Variants in KPNA4 observed in about 807,000 individuals in gnomAD.
KPNA4 encodes the protein karyopherin subunit alpha 4, also known as importin subunit alpha-3.
A neutral mutation model predicts 71.3 loss-of-function variants in KPNA4; 13 were observed. That is an observed-to-expected ratio of 0.18 (90% CI 0.12 to 0.29). The LOEUF (loss-of-function observed/expected upper bound fraction) is 0.29. Among genes scored for constraint, KPNA4 ranks in the 10% least tolerant of loss-of-function variants. The pLI is 1.00. For synonymous variants in KPNA4, 189 were observed against 195.2 expected (o/e 0.97, Z 0.26); for missense variants, 334 against 603.2 (o/e 0.55, Z 4.67).
In KPNA4 at chr3:160,565,513, G is replaced by A. The variant is rs893826917; in HGVS notation, c.-231C>T. The A allele has an allele frequency of 5.6e-6, 3 of 538,632 alleles. No individual in the cohort carries two copies. Among genetic ancestry groups the A allele is most frequent in the Non-Finnish European group, 6.5e-6 (2 of 306,888 alleles). The allele number at this position is 538,632 out of a possible 1,614,324, so 33.4% of individuals were successfully genotyped here. ...CTCCGGCAAAGACAACTGTGGGGCCGGGCGGCGGCAAGGCGACGGAATGTG... is the reference window on the plus strand; with the variant it reads ...CTCCGGCAAAGACAACTGTGGGGCCAGGCGGCGGCAAGGCGACGGAATGTG... On this transcript the variant is annotated 5_prime_UTR_variant, in exon 1 of 17. Coordinates refer to ENST00000334256, the MANE Select transcript of KPNA4 (RefSeq NM_002268.5).
intron 11 of KPNA4, 151 bp from the exon 12 acceptor site, chr3:160,515,731 C>T: frequency 1.3e-6 from 1 of 792,772 alleles, no homozygotes; most frequent in East Asian, 2.9e-5. Context: ...CCTCCCACCC[C>T]AGCCTCCAGA....
chr3:160,551,758 T>C (rs1722043694), intron 1 of KPNA4, among the ~76,000 whole-genome samples: 1 of 149,718 alleles, frequency 6.7e-6, no homozygotes, highest in Non-Finnish European at 1.5e-5. Flanking sequence ...TTAAGAACTT[T>C]TCAGTGCCTC....
In KPNA4 at chr3:160,521,870, T is replaced by A; in HGVS notation, c.812A>T (p.Asp271Val). The change falls in exon 11 of 17, where the codon GAT (aspartate) becomes GTT (valine). Residue 271 changes from aspartate (D) to valine (V), a missense_variant. Physicochemically the swap from Asp to Val is radical, Grantham distance 152. Transcript: ENST00000334256. ...DTVWALSYLT[D>V]AGNEQIQMVI... is the part of the protein sequence containing the mutation. Reference sequence around the variant, plus strand: ...CATCTGTATTTGTTCATTGCCAGCATCAGTAAGGTAAGAGAGGGCCCAGAC... The same window carrying A: ...CATCTGTATTTGTTCATTGCCAGCAACAGTAAGGTAAGAGAGGGCCCAGAC... The A allele has an allele frequency of 6.2e-7, 1 of 1,613,274 alleles. No homozygotes were observed. The highest frequency in any genetic ancestry group is 8.5e-7 in the Non-Finnish European group (1 of 1,179,634).
At position 160,521,798 on chromosome 3, in the gene KPNA4, T is replaced by C. The variant is rs1264214427; in HGVS notation, c.884A>G (p.His295Arg). ...ACTTACCTGAACTTTAACTTCCTGGTGGCTGAGCAGAGGAACCAAATGAGG... is the reference window on the plus strand; with the variant it reads ...ACTTACCTGAACTTTAACTTCCTGGCGGCTGAGCAGAGGAACCAAATGAGG... ...IVPHLVPLLSHQEVKVQTAAL... is the reference protein window; with the variant it reads ...IVPHLVPLLSRQEVKVQTAAL... Residue 295 changes from histidine (H) to arginine (R), a missense_variant, in exon 11 of 17, where the codon CAC (histidine) becomes CGC (arginine). Physicochemically the swap from His to Arg is conservative, Grantham distance 29 (BLOSUM62 0). Transcript: ENST00000334256. The C allele has an allele frequency of 6.2e-7, 1 of 1,611,766 alleles. No homozygotes were observed. Among genetic ancestry groups the C allele is most frequent in the Non-Finnish European group, 8.5e-7 (1 of 1,179,868 alleles).
chr3:160,539,931 T>C (rs1304260675), intron 1 of KPNA4, among the ~76,000 whole-genome samples: 1 of 152,010 alleles, frequency 6.6e-6, no homozygotes, highest in Non-Finnish European at 1.5e-5. Flanking sequence ...TCCAAAAAAT[T>C]TTCTCCCATT....
rs202065920 is a variant in KPNA4 at position 160,505,021 on chromosome 3, A to G, written c.1404T>C (p.His468=). The stretch of plus-strand genomic sequence containing the variant: ...CCAATTTGTAGATGTCTTCATTTTC[A>G]TGATTTTGAAGTTGTTCAATTTTCT... ...GLEKIEQLQN[H]ENEDIYKLAY... is the part of the protein sequence containing the mutation. Residue 468 remains histidine (H), a synonymous_variant, in exon 16 of 17, where the codon CAT becomes CAC. Transcript: ENST00000334256. 3.2e-6 allele frequency: 5 copies of G among 1,568,456 alleles called. No homozygotes were observed. Among genetic ancestry groups the G allele is most frequent in the Non-Finnish European group, 1.7e-6 (2 of 1,157,244 alleles).
At chr3:160,558,244 G>C (rs562558484) in intron 1 of KPNA4, among the ~76,000 whole-genome samples, 129 of 152,312 alleles carry the variant, frequency 8.5e-4, no homozygotes, top group Admixed American at 3.9e-3. Flanking sequence ...AGGTTTTCAG[G>C]TGACTGTTAA....
At chr3:160,519,590 C>T (rs1721300999) in intron 11 of KPNA4, among the ~76,000 whole-genome samples, 2 of 150,020 alleles carry the variant, frequency 1.3e-5, no homozygotes, top group African/African-American at 2.5e-5. Flanking sequence ...GTCAGGAGAT[C>T]GAGACCATCC....
Position 160,525,828 on chromosome 3 carries a change from C to G in KPNA4, c.743G>C (p.Cys248Ser). The G allele has an allele frequency of 6.4e-7, 1 of 1,569,454 alleles. No homozygotes were observed. The change falls in exon 10 of 17, where the codon TGT (cysteine) becomes TCT (serine). Residue 248 changes from cysteine to serine, a missense_variant. Transcript: ENST00000334256. ...ETIQEILPAL[C>S]VLIHHTDVNI... ...TACATCTGTGTGATGAATTAAAACACAAAGGGCTGGAAGAATCTGAGGAGA... is the reference window on the plus strand; with the variant it reads ...TACATCTGTGTGATGAATTAAAACAGAAAGGGCTGGAAGAATCTGAGGAGA...
intron 1 of KPNA4, among the ~76,000 whole-genome samples, chr3:160,537,340 T>C (rs1721710641): frequency 1.3e-5 from 2 of 152,204 alleles, no homozygotes; most frequent in African/African-American, 2.4e-5. Context: ...TCCTGTTTTT[T>C]ACCTTGTTTT....
intron 1 of KPNA4, among the ~76,000 whole-genome samples, chr3:160,549,669 G>C (rs1721998008): frequency 1.3e-5 from 2 of 152,174 alleles, no homozygotes; most frequent in South Asian, 4.1e-4. Context: ...GACTACAGTA[G>C]CTTTGTAATA....
At chr3:160,562,401 A>G (rs1722260313) in intron 1 of KPNA4, among the ~76,000 whole-genome samples, 1 of 152,238 alleles carries the variant, frequency 6.6e-6, no homozygotes, top group Non-Finnish European at 1.5e-5. Flanking sequence ...ATCCAAATCA[A>G]AAAGCAATTA....
Position 160,565,223 on chromosome 3 carries a change from G to C in KPNA4, c.60C>G (p.Arg20=). 6.2e-7 allele frequency: 1 copy of C among 1,608,808 alleles called. No individual in the cohort carries two copies. Among genetic ancestry groups the C allele is most frequent in the African/African-American group, 1.3e-5 (1 of 74,704 alleles). Residue 20 remains arginine, a synonymous_variant, in exon 1 of 17, where the codon CGC becomes CGG. Transcript: ENST00000334256. The part of the protein sequence containing the change: ...QRLKNFKNKG[R]DLETMRRQRN... ...TCGTCCCCGAGTTTACCTCCAAGTC[G>C]CGGCCTTTGTTCTTGAAATTCTTGA...
chr3:160,557,427 A>G (rs917859873), intron 1 of KPNA4, among the ~76,000 whole-genome samples: 2 of 152,220 alleles, frequency 1.3e-5, no homozygotes, highest in Non-Finnish European at 2.9e-5. Context: ...ACTGAGATAG[A>G]CTATGATTTA....
chr3:160,526,025 A>G lies in KPNA4; in HGVS notation c.639T>C (p.Pro213=). 1 of 1,603,072 alleles carries G rather than the reference A, an allele frequency of 6.2e-7. No homozygotes were observed. The highest frequency in any genetic ancestry group is 8.5e-7 in the Non-Finnish European group (1 of 1,175,580). Residue 213 remains proline, a synonymous_variant, in exon 9 of 17, where the codon CCT becomes CCC. Transcript: ENST00000334256. ...PLLSFISPSI[P]ITFLRNVTWV... is the part of the protein sequence containing the mutation. ...AAGTAACATTTCTTAAGAATGTTAT[A>G]GGAATAGATGGACTTATGAAGGAAA... is the stretch of plus-strand genomic sequence containing the variant.
chr3:160,555,953 T>C (rs1722127580), intron 1 of KPNA4, among the ~76,000 whole-genome samples: 1 of 152,214 alleles, frequency 6.6e-6, no homozygotes, highest in South Asian at 2.1e-4. Context: ...TGCCTCAGCC[T>C]CCCAGGTAGC....
chr3:160,528,800 G>GGT (rs551525998), intron 7 of KPNA4, among the ~76,000 whole-genome samples: 1 of 152,178 alleles, frequency 6.6e-6, no homozygotes, highest in Non-Finnish European at 1.5e-5. Context: ...AACAGAGATA[G>GGT]GTCTGTATCT....
Position 160,530,882 on chromosome 3 carries a change from C to G in KPNA4, c.442G>C (p.Glu148Gln), listed in dbSNP as rs777249403. 9 of 1,612,176 alleles carry G rather than the reference C, an allele frequency of 5.6e-6. No individual in the cohort carries two copies. The African/African-American group carries it at 1.1e-4, about 19-fold the overall frequency. ...ALTNIASGTSEQTQAVVQSNA... is the reference protein window; with the variant it reads ...ALTNIASGTSQQTQAVVQSNA... Reference sequence around the variant, plus strand: ...GACTGAACTACTGCTTGAGTTTGTTCAGAAGTTCCAGATGCAATGTTTGTC... The same window carrying G: ...GACTGAACTACTGCTTGAGTTTGTTGAGAAGTTCCAGATGCAATGTTTGTC... The change falls in exon 7 of 17, where the codon GAA (glutamate) becomes CAA (glutamine). Residue 148 changes from glutamate (E) to glutamine (Q), a missense_variant. Transcript: ENST00000334256.
intron 14 of KPNA4, 150 bp from the exon 15 acceptor site, chr3:160,508,419 ACCT>A (rs1158180202): frequency 1.3e-5 from 6 of 462,290 alleles, no homozygotes; most frequent in East Asian, 1.1e-4. Flanking sequence ...TATTAATCTA[ACCT>A]CCTTTTCTTT....
Sources: gnomAD v4.1 joint callset for allele counts (sites outside exome capture counted in the v4.1 genomes callset) on GRCh38, gnomAD v4.1.1 for gene constraint, MANE v1.5 for transcripts, NCBI Gene and HGNC (gene_info 2026-07-23, HGNC 2026-07-21) for gene names.